The following AK8 variants were observed in gnomAD, a reference collection of about 807,000 sequenced individuals.
The protein encoded by AK8 is adenylate kinase 8, also known as ATP-AMP transphosphorylase 8.
In AK8, 44 loss-of-function variants were observed where a neutral mutation model predicts 54.6. The observed-to-expected ratio is 0.81, with a 90% CI of 0.63 to 1.04. AK8 has a LOEUF of 1.04. Ranked by LOEUF, AK8 falls within the 50% of genes least tolerant of loss-of-function variation. The probability of loss-of-function intolerance (pLI) is 0.00; values close to 1 mark genes in which losing one functional copy is unlikely to be tolerated. For synonymous variants in AK8, 239 were observed against 245.6 expected (o/e 0.97, Z 0.25); for missense variants, 555 against 613.6 (o/e 0.90, Z 1.01).
intron 5 of AK8, among the ~76,000 whole-genome samples, chr9:132,840,449 A>AC (rs1304130927): frequency 7.2e-5 from 10 of 139,574 alleles, no homozygotes; most frequent in South Asian, 6.7e-4. Context: ...CACACACACA[A>AC]GGCAAGTGAA....
At chr9:132,747,842 G>T (rs569425872) in intron 11 of AK8, among the ~76,000 whole-genome samples, 1 of 149,866 alleles carries the variant, frequency 6.7e-6, no homozygotes, top group African/African-American at 2.4e-5. Flanking sequence ...CAGGCTGGGC[G>T]TGGTGGCTCA....
chr9:132,799,747 C>T lies in AK8; in HGVS notation c.980-6972G>A, dbSNP rs1000365178. Among the ~76,000 whole-genome samples, 1 of 152,186 alleles carries T rather than the reference C, an allele frequency of 6.6e-6. No homozygotes were observed. The highest frequency in any genetic ancestry group is 1.5e-5 in the Non-Finnish European group (1 of 68,026). On this transcript the variant is annotated intron_variant, in intron 10 of 12. Coordinates refer to ENST00000298545, the MANE Select transcript of AK8 (RefSeq NM_152572.3). This position sits in a 1 kb window ranked among gnomAD's most constrained non-coding sequence, Gnocchi z 5.0. ...TAGCAAACACACCTACATACCTACACCGCACCCACACTGCCTCTCCTCATC... is the reference window on the plus strand; with the variant it reads ...TAGCAAACACACCTACATACCTACATCGCACCCACACTGCCTCTCCTCATC...
intron 5 of AK8, among the ~76,000 whole-genome samples, chr9:132,832,676 C>G (rs973176294): frequency 1.3e-5 from 2 of 152,190 alleles, no homozygotes; most frequent in Non-Finnish European, 2.9e-5. Flanking sequence ...TCATTATAAT[C>G]TCACCCATAA....
At chr9:132,730,643 T>A (rs1464371003) in intron 11 of AK8, among the ~76,000 whole-genome samples, 6 of 151,958 alleles carry the variant, frequency 3.9e-5, no homozygotes, top group African/African-American at 1.5e-4. Flanking sequence ...GGGAGCCCAG[T>A]GTGGCCCTGG....
At chr9:132,800,306 GTT>G (rs931335723) in intron 10 of AK8, among the ~76,000 whole-genome samples, 2 of 152,174 alleles carry the variant, frequency 1.3e-5, no homozygotes, top group Non-Finnish European at 2.9e-5. Flanking sequence ...TGGTGATGCC[GTT>G]TGTTTGTTAT....
chr9:132,774,530 G>A (rs530154296), intron 11 of AK8, among the ~76,000 whole-genome samples: 2 of 152,328 alleles, frequency 1.3e-5, no homozygotes, highest in African/African-American at 4.8e-5. Context: ...AGTTATGCCT[G>A]TAAGGAAGAT....
At chr9:132,753,071 T>C (rs1838022344) in intron 11 of AK8, among the ~76,000 whole-genome samples, 2 of 152,202 alleles carry the variant, frequency 1.3e-5, no homozygotes, top group African/African-American at 4.8e-5. Context: ...CTTCCCTTAC[T>C]ACTAGGAATA....
At chr9:132,731,086 C>T (rs577316890) in intron 11 of AK8, among the ~76,000 whole-genome samples, 20 of 152,268 alleles carry the variant, frequency 1.3e-4, no homozygotes, top group African/African-American at 4.8e-4. Flanking sequence ...TCCCAAACGC[C>T]GAAATCCTGA....
chr9:132,782,545 T>C (rs891746752), intron 11 of AK8, among the ~76,000 whole-genome samples: 4 of 152,022 alleles, frequency 2.6e-5, no homozygotes, highest in South Asian at 2.1e-4. Context: ...CAAAATTAGC[T>C]GGGCATGGTG....
chr9:132,870,191 A>G (rs1843755061), intron 2 of AK8, among the ~76,000 whole-genome samples: 1 of 152,196 alleles, frequency 6.6e-6, no homozygotes, highest in African/African-American at 2.4e-5. Context: ...CATGTCTATG[A>G]ATAGACTTTA....
At chr9:132,757,772 A>G (rs1174106256) in intron 11 of AK8, among the ~76,000 whole-genome samples, 2 of 152,228 alleles carry the variant, frequency 1.3e-5, no homozygotes, top group African/African-American at 4.8e-5. Flanking sequence ...CTATCTGTCT[A>G]TCAAAATAGA....
At chr9:132,758,276 T>C (rs1432705824) in intron 11 of AK8, among the ~76,000 whole-genome samples, 1 of 152,092 alleles carries the variant, frequency 6.6e-6, no homozygotes, top group Non-Finnish European at 1.5e-5. Context: ...TACAGAACCA[T>C]TTGCAAAGGG....
intron 9 of AK8, among the ~76,000 whole-genome samples, chr9:132,820,781 A>G (rs926523014): frequency 2.0e-5 from 3 of 152,192 alleles, no homozygotes; most frequent in Non-Finnish European, 4.4e-5. Context: ...AGAGATTCAC[A>G]GATGTGAAGA....
chr9:132,795,310 G>A (rs770070519), intron 10 of AK8, among the ~76,000 whole-genome samples: 2 of 149,216 alleles, frequency 1.3e-5, no homozygotes, highest in Non-Finnish European at 2.9e-5. Context: ...CACAGTGTTG[G>A]GGCTCCCCTC....
At chr9:132,829,026 G>A (rs1350377330) in intron 5 of AK8, among the ~76,000 whole-genome samples, 1 of 149,350 alleles carries the variant, frequency 6.7e-6, no homozygotes, top group Admixed American at 6.7e-5. Flanking sequence ...GCACAATCTC[G>A]GCACACTGCA....
At chr9:132,830,849 C>T (rs1039036942) in intron 5 of AK8, among the ~76,000 whole-genome samples, 25 of 152,222 alleles carry the variant, frequency 1.6e-4, no homozygotes, top group African/African-American at 6.0e-4. Flanking sequence ...CACCCTCCCC[C>T]CTGAAAAAGC....
intron 5 of AK8, among the ~76,000 whole-genome samples, chr9:132,848,373 G>C (rs113282504): frequency 1.3e-5 from 2 of 152,102 alleles, no homozygotes; most frequent in South Asian, 4.2e-4. Context: ...TAAAAGAGGT[G>C]GGAAACCTTA....
In AK8 at chr9:132,854,904, CGAGCAGCGCGCTGGGAACTGTCT is replaced by C. The variant is rs761356881; in HGVS notation, c.334-2_354del. The C allele has an allele frequency of 2.3e-5, 37 of 1,613,966 alleles. No individual in the cohort carries two copies. Among genetic ancestry groups the C allele is most frequent in the Non-Finnish European group, 3.0e-5 (35 of 1,180,028 alleles). On this transcript the variant is annotated splice_acceptor_variant and coding_sequence_variant, in exon 5 of 13. Transcript: ENST00000298545. LOFTEE classifies it high-confidence loss of function. ...GCCAGGCGTTCCTGAATCAGCTGGACGAGCAGCGCGCTGGGAACTGTCTGAAGGAAAAAGGACACACAGAATGA... is the reference window on the plus strand; with the variant it reads ...GCCAGGCGTTCCTGAATCAGCTGGACGAAGGAAAAAGGACACACAGAATGA...
rs768079776 is a variant in AK8, at chr9:132,823,309, C to A, written c.785G>T (p.Arg262Leu). Residue 262 changes from arginine (R) to leucine (L), a missense_variant, in exon 9 of 13, where the codon CGT (arginine) becomes CTT (leucine). Transcript: ENST00000298545. ...QALTYVQSNH[R>L]TNAPFTPRVL... ...CCTCGGGGTGAACGGGGCATTAGTA[C>A]GATGGTTGCTTTGGACATAGGTCAG... The A allele has an allele frequency of 6.2e-7, 1 of 1,613,850 alleles. No homozygotes were observed. The highest frequency in any genetic ancestry group is 1.1e-5 in the South Asian group (1 of 91,068).
Sources: allele counts gnomAD v4.1 joint callset (sites outside exome capture counted in the v4.1 genomes callset), GRCh38; gene constraint gnomAD v4.1.1; non-coding constraint Gnocchi (gnomAD v3.1); transcripts MANE v1.5; gene names NCBI Gene and HGNC (gene_info 2026-07-23, HGNC 2026-07-21).